Variants in ADAM9 observed in about 807,000 individuals in gnomAD.
ADAM9 encodes disintegrin and metalloproteinase domain-containing protein 9.
A neutral mutation model predicts 108.1 loss-of-function variants in ADAM9; 54 were observed. That is an observed-to-expected ratio of 0.50 (90% CI 0.40 to 0.63). ADAM9 has a LOEUF of 0.63. Ranked by LOEUF, ADAM9 falls within the 20% of genes least tolerant of loss-of-function variation. The probability of loss-of-function intolerance (pLI) is 0.00; values close to 1 mark genes in which losing one functional copy is unlikely to be tolerated. For synonymous variants in ADAM9, 316 were observed against 336.0 expected (o/e 0.94, Z 0.65); for missense variants, 830 against 997.7 (o/e 0.83, Z 2.26).
intron 12 of ADAM9, among the ~76,000 whole-genome samples, chr8:39,042,906 C>T (rs1837496614): frequency 6.6e-6 from 1 of 152,144 alleles, no homozygotes; most frequent in Non-Finnish European, 1.5e-5. Flanking sequence ...TGTTGATCGG[C>T]AGCTCCCCAT....
chr8:39,054,603 A>G (rs78564676), intron 13 of ADAM9, 30 bp downstream of exon 13: 2 of 275,642 alleles, frequency 7.3e-6, no homozygotes, highest in South Asian at 5.7e-5. Flanking sequence ...TGGAAACAGG[A>G]AAAAAAAAAA....
At chr8:39,047,010 C>G (rs958144843) in intron 12 of ADAM9, among the ~76,000 whole-genome samples, 1 of 152,194 alleles carries the variant, frequency 6.6e-6, no homozygotes, top group African/African-American at 2.4e-5. Context: ...CTCAAGCAGT[C>G]TGCCTGCGTA....
chr8:39,065,277 G>A (rs576677853), intron 14 of ADAM9, among the ~76,000 whole-genome samples: 15 of 148,794 alleles, frequency 1.0e-4, no homozygotes, highest in East Asian at 1.9e-4. Context: ...CTTTTATTGC[G>A]GTTTTCATTT....
At chr8:39,039,426 T>A (rs1265664247) in intron 11 of ADAM9, among the ~76,000 whole-genome samples, 1 of 152,194 alleles carries the variant, frequency 6.6e-6, no homozygotes, top group African/African-American at 2.4e-5. Context: ...GCACCTATAA[T>A]CTCTTTTAGC....
chr8:39,034,027 TTA>T (rs1339069430), intron 11 of ADAM9, among the ~76,000 whole-genome samples: 2 of 152,160 alleles, frequency 1.3e-5, no homozygotes, highest in African/African-American at 2.4e-5. Flanking sequence ...ATCTTCTGTG[TTA>T]TTTCTTTTGG....
At chr8:39,035,069 T>C (rs1439190177) in intron 11 of ADAM9, among the ~76,000 whole-genome samples, 2 of 152,222 alleles carry the variant, frequency 1.3e-5, no homozygotes, top group Non-Finnish European at 2.9e-5. Context: ...TCTGTGATTC[T>C]AGTGAACTGT....
At chr8:39,047,764 C>T in intron 12 of ADAM9, among the ~76,000 whole-genome samples, 1 of 151,582 alleles carries the variant, frequency 6.6e-6, no homozygotes, top group South Asian at 2.1e-4. Context: ...AATTCTTTTT[C>T]TAGTCTCAAT....
intron 12 of ADAM9, among the ~76,000 whole-genome samples, chr8:39,051,947 TGTGTATATATACAGATATACACACGTC>T (rs1209108767): frequency 2.6e-5 from 4 of 152,238 alleles, no homozygotes; most frequent in South Asian, 4.1e-4. Flanking sequence ...ACACACCTCA[TGTGTATATATACAGATATACACACGTC>T]GTGTATATAT....
intron 12 of ADAM9, among the ~76,000 whole-genome samples, chr8:39,045,146 ATATATGTG>A (rs1837633268): frequency 9.3e-6 from 1 of 107,572 alleles, no homozygotes; most frequent in East Asian, 2.6e-4. Context: ...ATATATGTGT[ATATATGTG>A]TATACATACA....
intron 12 of ADAM9, among the ~76,000 whole-genome samples, chr8:39,053,472 CT>C (rs35764954): frequency 2.6e-5 from 4 of 151,976 alleles, no homozygotes; most frequent in Non-Finnish European, 4.4e-5. Context: ...TGCATTTTGA[CT>C]TTTTTTGGGT....
intron 12 of ADAM9, among the ~76,000 whole-genome samples, chr8:39,045,211 T>TATAC (rs1300147909): frequency 7.0e-5 from 7 of 99,304 alleles, no homozygotes; most frequent in African/African-American, 1.9e-4. Flanking sequence ...TATATATGTG[T>TATAC]ATACATACAT....
chr8:39,042,243 T>C (rs1837477070), intron 12 of ADAM9, 126 bp downstream of exon 12: 3 of 1,037,440 alleles, frequency 2.9e-6, no homozygotes, highest in Non-Finnish European at 4.5e-6. Flanking sequence ...TGAGGATTGT[T>C]ATTTTGTTTG....
Position 39,104,566 on chromosome 8 carries a change from G to A in ADAM9, c.*866G>A. ...GCAATTATAAAATCTTCAATCAATTGAACTTTTACAAAACCACTTGAGAAT... is the reference window on the plus strand; with the variant it reads ...GCAATTATAAAATCTTCAATCAATTAAACTTTTACAAAACCACTTGAGAAT... On this transcript the variant is annotated 3_prime_UTR_variant, in exon 22 of 22. Coordinates refer to ENST00000487273, the MANE Select transcript of ADAM9 (RefSeq NM_003816.3). 2.5e-6 allele frequency: 1 copy of A among 402,430 alleles called. No homozygotes were observed. Among genetic ancestry groups the A allele is most frequent in the Non-Finnish European group, 4.8e-6 (1 of 207,032 alleles). The allele number at this position is 402,430 out of a possible 1,614,324, so 24.9% of individuals were successfully genotyped here.
Position 39,071,335 on chromosome 8 carries a change from G to A in ADAM9, c.1629G>A (p.Val543=). 2 of 1,614,000 alleles carry A rather than the reference G, an allele frequency of 1.2e-6. No homozygotes were observed. The highest frequency in any genetic ancestry group is 1.7e-6 in the Non-Finnish European group (2 of 1,179,998). The change falls in exon 15 of 22, where the codon GTG becomes GTA. Residue 543 remains valine, a synonymous_variant. Coordinates refer to ENST00000487273, the MANE Select transcript of ADAM9 (RefSeq NM_003816.3). ...KAAPKDCFIE[V]NSKGDRFGNC... Reference sequence around the variant, plus strand: ...CCCCCAAAGATTGTTTCATTGAAGTGAATTCTAAAGGTGACAGATTTGGCA... The same window carrying A: ...CCCCCAAAGATTGTTTCATTGAAGTAAATTCTAAAGGTGACAGATTTGGCA...
At chr8:39,059,763 A>G (rs1027018357) in intron 14 of ADAM9, among the ~76,000 whole-genome samples, 1 of 152,244 alleles carries the variant, frequency 6.6e-6, no homozygotes, top group African/African-American at 2.4e-5. Flanking sequence ...GCAGTGCTAC[A>G]GTCATCCACT....
chr8:39,084,467 A>G (rs1839121794), intron 18 of ADAM9, among the ~76,000 whole-genome samples: 1 of 150,648 alleles, frequency 6.6e-6, no homozygotes, highest in Non-Finnish European at 1.5e-5. Flanking sequence ...TTTGACTTAC[A>G]GGTTATTTAG....
intron 14 of ADAM9, among the ~76,000 whole-genome samples, chr8:39,070,713 G>A (rs189992118): frequency 2.5e-3 from 371 of 150,472 alleles, no homozygotes; most frequent in African/African-American, 8.2e-3. Context: ...AGCTATGAAC[G>A]TGCCACTGCA....
rs551263998 is a variant in ADAM9, at chr8:39,066,819, C to T, written c.1592-4479C>T. Reference sequence around the variant, plus strand: ...GCTTTTGGTGTTTTAGACATGAAGTCCTTGCCCATGCCTATGTCCTGAATG... The same window carrying T: ...GCTTTTGGTGTTTTAGACATGAAGTTCTTGCCCATGCCTATGTCCTGAATG... On this transcript the variant is annotated intron_variant, in intron 14 of 21. Coordinates refer to ENST00000487273, the MANE Select transcript of ADAM9 (RefSeq NM_003816.3). 2.0e-3 allele frequency among the ~76,000 whole-genome samples: 312 copies of T among 152,268 alleles called. 4 individuals are homozygous for T. The highest frequency in any genetic ancestry group is 4.2e-3 in the Admixed American group (64 of 15,300).
chr8:39,096,563 G>A (rs1470897132), intron 20 of ADAM9, among the ~76,000 whole-genome samples: 1 of 152,082 alleles, frequency 6.6e-6, no homozygotes, highest in Non-Finnish European at 1.5e-5. Context: ...AGATTTAAAA[G>A]TGATTTTCAC....
Sources: gnomAD v4.1 joint callset for allele counts (sites outside exome capture counted in the v4.1 genomes callset) on GRCh38, gnomAD v4.1.1 for gene constraint, MANE v1.5 for transcripts, NCBI Gene and HGNC (gene_info 2026-07-23, HGNC 2026-07-21) for gene names.